Variants in PRIM2 observed in about 807,000 individuals in gnomAD.
The protein encoded by PRIM2 is DNA primase subunit 2.
In PRIM2, 39 loss-of-function variants were observed where a neutral mutation model predicts 67.3. The ratio of observed to expected loss-of-function variants is 0.58; its 90% CI spans 0.45 to 0.76. PRIM2 has a LOEUF of 0.76. Among genes scored for constraint, PRIM2 ranks in the 30% least tolerant of loss-of-function variants. The probability of loss-of-function intolerance (pLI) is 0.00; values close to 1 mark genes in which losing one functional copy is unlikely to be tolerated. For synonymous variants in PRIM2, 143 were observed against 198.7 expected, an observed-to-expected ratio of 0.72 and a Z score of 2.36; for missense variants, 398 against 598.7, an observed-to-expected ratio of 0.66 and a Z score of 3.50.
intron 10 of PRIM2, among the ~76,000 whole-genome samples, chr6:57,573,599 A>G (rs1484587990): frequency 6.6e-6 from 1 of 152,110 alleles, no homozygotes; most frequent in Non-Finnish European, 1.5e-5. Context: ...TTTAAAGATC[A>G]CTCATATAAG....
chr6:57,510,325 A>C (rs1385376073), intron 8 of PRIM2, among the ~76,000 whole-genome samples: 8 of 152,186 alleles, frequency 5.3e-5, no homozygotes, highest in Non-Finnish European at 1.0e-4. Context: ...ATAATTTATA[A>C]ATCATACTGT....
chr6:57,606,064 T>C (rs1296054305), intron 11 of PRIM2, among the ~76,000 whole-genome samples: 17 of 152,374 alleles, frequency 1.1e-4, no homozygotes, highest in Non-Finnish European at 2.2e-4. Context: ...ATTATGCGGC[T>C]ATTTTGTGAT....
chr6:57,580,670 A>G (rs1253415977), intron 10 of PRIM2, among the ~76,000 whole-genome samples: 255 of 152,316 alleles, frequency 1.7e-3, no homozygotes, highest in Non-Finnish European at 3.0e-3. Flanking sequence ...TGAAGTTCTT[A>G]CTGAGAAGAG....
rs1562696640 is a variant in PRIM2, at chr6:57,330,356, TTTTTG to T, written c.459+4316_459+4320del. ...GCAACCTTGCTGAACTTGTTTTTTT[TTTTTG>T]TTTTTGTTTTTTTGTTTTTTTGTTT... On this transcript the variant is annotated intron_variant, in intron 5 of 13. Transcript: ENST00000615550. Among the ~76,000 whole-genome samples, 615 of 118,680 alleles carry T rather than the reference TTTTTG, an allele frequency of 5.2e-3. 4 individuals are homozygous for T. Among genetic ancestry groups the T allele is most frequent in the Non-Finnish European group, 8.0e-3 (482 of 60,058 alleles). 77.9% of individuals were successfully genotyped at this position (118,680 alleles called of 152,430 possible). A position where few individuals can be genotyped will look rare whatever the true frequency, so the allele number is the denominator to read the frequency against.
intron 12 of PRIM2, among the ~76,000 whole-genome samples, chr6:57,608,831 A>G (rs1776614094): frequency 6.6e-6 from 1 of 152,010 alleles, no homozygotes; most frequent in African/African-American, 2.4e-5. Flanking sequence ...AAAGAGGAGG[A>G]GAAGAAAGAA....
chr6:57,460,800 A>G (rs1474257235), intron 7 of PRIM2, among the ~76,000 whole-genome samples: 1 of 152,304 alleles, frequency 6.6e-6, no homozygotes, highest in Non-Finnish European at 1.5e-5. Flanking sequence ...CTGCTAACCA[A>G]GTTTTATTGG....
At chr6:57,270,310 G>A in the PRIM2 span, among the ~76,000 whole-genome samples, 1 of 152,066 alleles carries the variant, frequency 6.6e-6, no homozygotes, top group Non-Finnish European at 1.5e-5. Flanking sequence ...ATTTCATTGA[G>A]CAGTGGTTTG....
chr6:57,381,103 G>A (rs1769945518), intron 6 of PRIM2, among the ~76,000 whole-genome samples: 2 of 152,098 alleles, frequency 1.3e-5, no homozygotes, highest in African/African-American at 4.8e-5. Context: ...ATTTGGTGCA[G>A]TATCACACAA....
chr6:57,407,020 A>G (rs563149719), intron 7 of PRIM2, among the ~76,000 whole-genome samples: 67 of 151,434 alleles, frequency 4.4e-4, no homozygotes, highest in African/African-American at 1.5e-3. Flanking sequence ...GGAAAAAGAT[A>G]TAGAAGACAG....
At chr6:57,578,669 G>GT (rs1582000493) in intron 10 of PRIM2, among the ~76,000 whole-genome samples, 3 of 112,026 alleles carry the variant, frequency 2.7e-5, no homozygotes, top group Admixed American at 1.2e-4. Context: ...TCCTTCTTTT[G>GT]TTTTTTGTTT....
At position 57,452,359 on chromosome 6, in the gene PRIM2, A is replaced by G. The variant is rs1354621108; in HGVS notation, c.694-55028A>G. On this transcript the variant is annotated intron_variant, in intron 7 of 13. Coordinates refer to ENST00000615550, the MANE Select transcript of PRIM2 (RefSeq NM_000947.5). ...TTCTAGATCCCTGAGGAATCACCAC[A>G]CTGACTTCCACAATGGTTGAACTAG... Among the ~76,000 whole-genome samples the G allele has an allele frequency of 1.5e-3, 228 of 152,324 alleles. 1 individual carries two copies. Among genetic ancestry groups the G allele is most frequent in the African/African-American group, 5.2e-3 (217 of 41,580 alleles).
chr6:57,299,745 A>T, the PRIM2 span, among the ~76,000 whole-genome samples: 71,738 of 152,004 alleles, frequency 0.47, 17,083 homozygotes, highest in East Asian at 0.52. Flanking sequence ...GAATCTATTT[A>T]CCACTTCTTT....
chr6:57,303,089 A>G, the PRIM2 span, among the ~76,000 whole-genome samples: 1 of 152,312 alleles, frequency 6.6e-6, no homozygotes, highest in South Asian at 2.1e-4. Flanking sequence ...TTTATAGCTA[A>G]TATGTCCACG....
intron 5 of PRIM2, among the ~76,000 whole-genome samples, chr6:57,377,769 TA>T (rs1250081244): frequency 6.6e-6 from 1 of 152,144 alleles, no homozygotes; most frequent in Non-Finnish European, 1.5e-5. Context: ...TATATAGGCC[TA>T]ATCATCTCTG....
At position 57,606,381 on chromosome 6, in the gene PRIM2, C is replaced by G. The variant is rs1776562447; in HGVS notation, c.1154C>G (p.Pro385Arg). 1.9e-6 allele frequency: 3 copies of G among 1,594,326 alleles called. No homozygotes were observed. Among genetic ancestry groups the G allele is most frequent in the Non-Finnish European group, 2.6e-6 (3 of 1,168,694 alleles). ...PPSQGDYHGCPFRHSDPELLK... is the reference protein window; with the variant it reads ...PPSQGDYHGCRFRHSDPELLK... ...GCTTATTTTTTGTTGTCAGGGTGCC[C>G]ATTCCGTCACAGTGATCCAGAGCTG... Residue 385 changes from proline to arginine, a missense_variant, in exon 12 of 14, where the codon CCA becomes CGA. Physicochemically the swap from Pro to Arg is moderately radical, Grantham distance 103 (BLOSUM62 -2). Coordinates refer to ENST00000615550, the MANE Select transcript of PRIM2 (RefSeq NM_000947.5).
intron 10 of PRIM2, among the ~76,000 whole-genome samples, chr6:57,595,666 T>C (rs1286508073): frequency 6.6e-6 from 1 of 151,954 alleles, no homozygotes; most frequent in African/African-American, 2.4e-5. Flanking sequence ...TATTTATCAG[T>C]TTATTATAAA....
intron 10 of PRIM2, among the ~76,000 whole-genome samples, chr6:57,566,417 G>A (rs1228818665): frequency 6.6e-6 from 1 of 151,986 alleles, no homozygotes; most frequent in African/African-American, 2.4e-5. Context: ...TATTTCTAAA[G>A]TTATTAGCTG....
upstream of PRIM2, among the ~76,000 whole-genome samples, chr6:57,310,924 C>T (rs60821664): frequency 0.1 from 15,342 of 146,598 alleles, 911 homozygotes; most frequent in South Asian, 0.13. Context: ...AGACACCCCT[C>T]GCCTCCCAAA....
chr6:57,456,797 C>T (rs1208934084), intron 7 of PRIM2, among the ~76,000 whole-genome samples: 2 of 152,144 alleles, frequency 1.3e-5, no homozygotes, highest in Non-Finnish European at 2.9e-5. Flanking sequence ...TTGTCAAAGT[C>T]ATTCTCCATC....
Sources: gnomAD v4.1 joint callset for allele counts (sites outside exome capture counted in the v4.1 genomes callset) on GRCh38, gnomAD v4.1.1 for gene constraint, MANE v1.5 for transcripts, NCBI Gene and HGNC (gene_info 2026-07-23, HGNC 2026-07-21) for gene names.